NPFFR2: variants seen among roughly 807,000 people sequenced by gnomAD.
The protein encoded by NPFFR2 is neuropeptide FF receptor 2, also known as G-protein coupled receptor 74.
In NPFFR2, 15 loss-of-function variants were observed where a neutral mutation model predicts 13.1. The ratio of observed to expected loss-of-function variants is 1.15; its 90% CI spans 0.77 to 1.76. NPFFR2 has a LOEUF of 1.76. Among genes scored for constraint, NPFFR2 ranks in the 40% most tolerant of loss-of-function variants. The pLI, the probability that NPFFR2 is intolerant of heterozygous loss-of-function variation, is 0.00. For missense variants in NPFFR2, 572 were observed against 503.5 expected, an observed-to-expected ratio of 1.14 and a Z score of -1.30; for synonymous variants, 190 against 175.7, an observed-to-expected ratio of 1.08 and a Z score of -0.65.
Position 72,146,974 on chromosome 4 carries a change from G to C in NPFFR2, c.429-4G>C. 1 of 1,589,298 alleles carries C rather than the reference G, an allele frequency of 6.3e-7. No homozygotes were observed. The highest frequency in any genetic ancestry group is 8.6e-7 in the Non-Finnish European group (1 of 1,162,362). ...GCCTCATTTATATTTGTGTTTAATTGCAGGTTCCAGTGTGTGGTCTACCCT... is the reference window on the plus strand; with the variant it reads ...GCCTCATTTATATTTGTGTTTAATTCCAGGTTCCAGTGTGTGGTCTACCCT... On this transcript the variant is annotated splice_polypyrimidine_tract_variant and splice_region_variant and intron_variant, in intron 3 of 3. Coordinates refer to ENST00000308744, the MANE Select transcript of NPFFR2 (RefSeq NM_004885.3).
At chr4:72,094,255 C>T (rs1197344653) in intron 1 of NPFFR2, among the ~76,000 whole-genome samples, 1 of 152,106 alleles carries the variant, frequency 6.6e-6, no homozygotes, top group Non-Finnish European at 1.5e-5. Context: ...GAAGTGGACT[C>T]CATGAGAGTT....
intron 1 of NPFFR2, among the ~76,000 whole-genome samples, chr4:72,092,569 A>ATT (rs1720943556): frequency 6.6e-6 from 1 of 152,154 alleles, no homozygotes; most frequent in Non-Finnish European, 1.5e-5. Flanking sequence ...CTGTTAGACT[A>ATT]GTCCTCTTAT....
intron 1 of NPFFR2, among the ~76,000 whole-genome samples, chr4:72,102,777 G>T (rs991157099): frequency 1.3e-5 from 2 of 151,984 alleles, no homozygotes; most frequent in Non-Finnish European, 2.9e-5. Context: ...ATCATTGTTG[G>T]ACATTTGGCT....
chr4:72,125,177 A>G (rs991687384), intron 1 of NPFFR2, among the ~76,000 whole-genome samples: 1 of 152,210 alleles, frequency 6.6e-6, no homozygotes, highest in Non-Finnish European at 1.5e-5. Flanking sequence ...ATGGAAAAAA[A>G]GCTCATCATC....
At chr4:72,068,949 C>T in intron 1 of NPFFR2, 1 of 1,418,464 alleles carries the variant, frequency 7.0e-7, no homozygotes, top group Non-Finnish European at 9.4e-7. Flanking sequence ...TTAATTATAG[C>T]TTTTGACATA....
rs772066799 is a variant in NPFFR2 at position 72,032,111 on chromosome 4, T to C, written c.-97T>C. ...GATTGAGCCGGCAGACTGCGAAAAG[T>C]AGCTGGAGCCGGAGCAGGGACAGAA... On this transcript the variant is annotated 5_prime_UTR_variant, in exon 1 of 4. Transcript: ENST00000308744. 3.1e-6 allele frequency: 5 copies of C among 1,613,918 alleles called. No individual in the cohort carries two copies. The African/African-American group carries it at 4.0e-5, about 13-fold the overall frequency.
At chr4:72,102,879 A>G (rs1721297036) in intron 1 of NPFFR2, among the ~76,000 whole-genome samples, 1 of 152,194 alleles carries the variant, frequency 6.6e-6, no homozygotes, top group South Asian at 2.1e-4. Context: ...TCCTTTGGGT[A>G]TATACCCAGT....
intron 1 of NPFFR2, among the ~76,000 whole-genome samples, chr4:72,075,074 A>G (rs1371885145): frequency 6.6e-6 from 1 of 152,156 alleles, no homozygotes; most frequent in Non-Finnish European, 1.5e-5. Flanking sequence ...GGTGTTGCCA[A>G]CGAAGATTAC....
intron 1 of NPFFR2, among the ~76,000 whole-genome samples, chr4:72,084,651 A>G (rs1720716881): frequency 2.6e-5 from 4 of 152,136 alleles, no homozygotes; most frequent in Admixed American, 2.0e-4. Flanking sequence ...CAATTTCTGC[A>G]AACAATGTCA....
Position 72,141,127 on chromosome 4 carries a change from C to T in NPFFR2, c.428+2988C>T, listed in dbSNP as rs185162401. On this transcript the variant is annotated intron_variant, in intron 3 of 3. Coordinates refer to ENST00000308744, the MANE Select transcript of NPFFR2 (RefSeq NM_004885.3). ...GATATCCCCTTTATCATTTTTATTG[C>T]GTCTATTTGATTCTTCTCTCTTTTC... Among the ~76,000 whole-genome samples the T allele has an allele frequency of 1.7e-3, 263 of 151,348 alleles. 1 individual carries two copies. The highest frequency in any genetic ancestry group is 5.1e-3 in the African/African-American group (209 of 41,270).
intron 2 of NPFFR2, among the ~76,000 whole-genome samples, chr4:72,136,198 A>AT (rs1052126660): frequency 2.6e-5 from 4 of 151,930 alleles, no homozygotes; most frequent in East Asian, 1.9e-4. Flanking sequence ...TCTACTAAAA[A>AT]TTTTTTTTAA....
intron 1 of NPFFR2, among the ~76,000 whole-genome samples, chr4:72,125,734 T>C (rs1722020850): frequency 6.6e-6 from 1 of 152,354 alleles, no homozygotes; most frequent in Admixed American, 6.5e-5. Flanking sequence ...CTGGAAGAGC[T>C]CTAATACTGA....
At chr4:72,090,231 T>C (rs937125135) in intron 1 of NPFFR2, among the ~76,000 whole-genome samples, 14 of 152,174 alleles carry the variant, frequency 9.2e-5, no homozygotes, top group African/African-American at 3.4e-4. Flanking sequence ...TATGGCCTTA[T>C]AGCATAGTTT....
intron 1 of NPFFR2, 81 bp downstream of exon 1, chr4:72,032,281 A>C: frequency 1.4e-6 from 2 of 1,404,112 alleles, no homozygotes; most frequent in South Asian, 2.9e-5. Context: ...TGCCTTGATG[A>C]CACATATTAG....
At chr4:72,093,534 C>A (rs573027202) in intron 1 of NPFFR2, among the ~76,000 whole-genome samples, 55 of 151,944 alleles carry the variant, frequency 3.6e-4, no homozygotes, top group Non-Finnish European at 6.5e-4. Context: ...TTTTTAAATT[C>A]TTTTTTCTTT....
chr4:72,105,390 G>C (rs1721389073), intron 1 of NPFFR2, among the ~76,000 whole-genome samples: 1 of 151,900 alleles, frequency 6.6e-6, no homozygotes, highest in Non-Finnish European at 1.5e-5. Context: ...ATTGCTAGCT[G>C]GAAATTTCTA....
At chr4:72,143,713 AG>A (rs1722698237) in intron 3 of NPFFR2, among the ~76,000 whole-genome samples, 1 of 152,188 alleles carries the variant, frequency 6.6e-6, no homozygotes, top group Non-Finnish European at 1.5e-5. Context: ...TTAAACTTTC[AG>A]TGGGTTCTGT....
intron 1 of NPFFR2, among the ~76,000 whole-genome samples, chr4:72,104,994 T>TAAAAAA (rs1721378629): frequency 1.1e-5 from 1 of 88,156 alleles, no homozygotes; most frequent in African/African-American, 3.4e-5. Context: ...TATCAAATTT[T>TAAAAAA]AAAAATGTAG....
In NPFFR2 at chr4:72,042,173, T is replaced by C. The variant is rs149448020; in HGVS notation, c.-8+9973T>C. Among the ~76,000 whole-genome samples the C allele has an allele frequency of 3.9e-3, 587 of 152,282 alleles. 3 individuals carry two copies. The highest frequency in any genetic ancestry group is 0.014 in the African/African-American group (564 of 41,548). Reference sequence around the variant, plus strand: ...GATAGTGAGTTCTCATGAGATCTGATGGCTTTATAAGGGGCTTTTCCCCCT... The same window carrying C: ...GATAGTGAGTTCTCATGAGATCTGACGGCTTTATAAGGGGCTTTTCCCCCT... On this transcript the variant is annotated intron_variant, in intron 1 of 3. Transcript: ENST00000308744.
Sources: allele counts gnomAD v4.1 joint callset (sites outside exome capture counted in the v4.1 genomes callset), GRCh38; gene constraint gnomAD v4.1.1; transcripts MANE v1.5; gene names NCBI Gene and HGNC (gene_info 2026-07-23, HGNC 2026-07-21).